GAN: variants seen among roughly 807,000 people sequenced by gnomAD.
GAN encodes epididymis secretory sperm binding protein.
A neutral mutation model predicts 71.3 loss-of-function variants in GAN; 48 were observed. The observed-to-expected ratio is 0.67, with a 90% CI of 0.53 to 0.86. The LOEUF is 0.86. GAN is among the 40% of genes least tolerant of loss of function. GAN has a pLI of 0.00. For missense variants in GAN, 928 were observed against 770.1 expected, an observed-to-expected ratio of 1.21 and a Z score of -2.43; for synonymous variants, 386 against 276.8, an observed-to-expected ratio of 1.39 and a Z score of -3.92.
intron 10 of GAN, 39 bp downstream of exon 10, chr16:81,377,367 G>C (rs1904284996): frequency 6.3e-7 from 1 of 1,592,420 alleles, no homozygotes; most frequent in Non-Finnish European, 8.6e-7. Flanking sequence ...ACTGTTTCCT[G>C]GTGATTCTGG....
chr16:81,349,148 C>T (rs1366625539), intron 1 of GAN, among the ~76,000 whole-genome samples: 1 of 152,154 alleles, frequency 6.6e-6, no homozygotes, highest in African/African-American at 2.4e-5. Flanking sequence ...TTTCCTAAGA[C>T]TTTGTTAACA....
rs1904330509 is a variant in GAN at position 81,383,946 on chromosome 16, G to A, written c.*6350G>A. The A allele has an allele frequency of 1.3e-5, 2 of 151,878 alleles. No homozygotes were observed. The highest frequency in any genetic ancestry group is 1.3e-4 in the Admixed American group (2 of 15,240). The allele number at this position is 151,878 out of a possible 1,614,324, so 9.4% of individuals were successfully genotyped here. Reference sequence around the variant, plus strand: ...GCATTTCATTACAAGTAATAGGTTTGGGTACCTTATTTTTATTGTTTTTAC... The same window carrying A: ...GCATTTCATTACAAGTAATAGGTTTAGGTACCTTATTTTTATTGTTTTTAC... On this transcript the variant is annotated 3_prime_UTR_variant, in exon 11 of 11. Coordinates refer to ENST00000648994, the MANE Select transcript of GAN (RefSeq NM_022041.4).
chr16:81,366,601 A>G (rs917195390), intron 9 of GAN, among the ~76,000 whole-genome samples: 35 of 152,240 alleles, frequency 2.3e-4, no homozygotes, highest in African/African-American at 7.5e-4. Context: ...AGTTACAAAG[A>G]TGCTGCAAAT....
intron 1 of GAN, among the ~76,000 whole-genome samples, chr16:81,349,996 A>G (rs62046473): frequency 0.12 from 18,184 of 152,202 alleles, 1,210 homozygotes; most frequent in Non-Finnish European, 0.14. Flanking sequence ...AATAACAGGA[A>G]TATCTAGATA....
At chr16:81,349,672 A>G (rs760862349) in intron 1 of GAN, among the ~76,000 whole-genome samples, 19 of 152,174 alleles carry the variant, frequency 1.2e-4, no homozygotes, top group Non-Finnish European at 7.3e-5. Context: ...AATTTTGTTA[A>G]TATTATTTCC....
Position 81,380,253 on chromosome 16 carries a change from C to G in GAN, c.*2657C>G, listed in dbSNP as rs375770471. ...CTTGATAACTTTTTGATACTTCTTT[C>G]TTGATAAGGCACTTTTACCAGGTGT... On this transcript the variant is annotated 3_prime_UTR_variant, in exon 11 of 11. Coordinates refer to ENST00000648994, the MANE Select transcript of GAN (RefSeq NM_022041.4). 2.0e-5 allele frequency: 3 copies of G among 152,678 alleles called. No homozygotes were observed. The highest frequency in any genetic ancestry group is 3.9e-4 in the East Asian group (2 of 5,188). The allele number at this position is 152,678 out of a possible 1,614,324, so 9.5% of individuals were successfully genotyped here. A position where few individuals can be genotyped will look rare whatever the true frequency, so the allele number is the denominator to read the frequency against.
At chr16:81,325,074 C>G (rs1467323084) in intron 1 of GAN, among the ~76,000 whole-genome samples, 2 of 152,164 alleles carry the variant, frequency 1.3e-5, no homozygotes, top group Non-Finnish European at 2.9e-5. Flanking sequence ...ACGGATGCTC[C>G]CAGGCATGCT....
intron 5 of GAN, among the ~76,000 whole-genome samples, chr16:81,362,155 G>C (rs968333405): frequency 3.3e-5 from 5 of 152,140 alleles, no homozygotes; most frequent in Non-Finnish European, 7.4e-5. Flanking sequence ...TGTGCGCTGC[G>C]GTGCAAAAGT....
In GAN at chr16:81,377,237, C is replaced by G. The variant is rs768737533; in HGVS notation, c.1521C>G (p.Asp507Glu). 2 of 1,607,424 alleles carry G rather than the reference C, an allele frequency of 1.2e-6. No individual in the cohort carries two copies. The highest frequency in any genetic ancestry group is 1.7e-6 in the Non-Finnish European group (2 of 1,173,940). The change falls in exon 10 of 11, where the codon GAC becomes GAG. Residue 507 changes from aspartate to glutamate, a missense_variant. Physicochemically the swap from Asp to Glu is conservative, Grantham distance 45 (BLOSUM62 2). Coordinates refer to ENST00000648994, the MANE Select transcript of GAN (RefSeq NM_022041.4). ...TTTTCAGGTGGATCTATCTTAACGA[C>G]CAGAATTTATGCATCCCCGCCAGTT... ...DEFKRWIYLN[D>E]QNLCIPASSS...
At chr16:81,350,058 C>T (rs922471515) in intron 1 of GAN, among the ~76,000 whole-genome samples, 1 of 151,854 alleles carries the variant, frequency 6.6e-6, no homozygotes, top group Non-Finnish European at 1.5e-5. Flanking sequence ...TCAAATTCTT[C>T]ATCAGTTTGT....
chr16:81,369,189 T>C (rs1005660076), intron 9 of GAN, among the ~76,000 whole-genome samples: 1 of 152,204 alleles, frequency 6.6e-6, no homozygotes, highest in African/African-American at 2.4e-5. Context: ...ATAACTAGAA[T>C]AGACATACTT....
intron 1 of GAN, among the ~76,000 whole-genome samples, chr16:81,317,429 A>G (rs1429217820): frequency 6.6e-6 from 1 of 152,236 alleles, no homozygotes; most frequent in East Asian, 1.9e-4. Context: ...CAGCTCACTA[A>G]TCTGATGAAT....
At chr16:81,346,859 C>T (rs962671963) in intron 1 of GAN, among the ~76,000 whole-genome samples, 1 of 152,192 alleles carries the variant, frequency 6.6e-6, no homozygotes, top group Non-Finnish European at 1.5e-5. Flanking sequence ...AAAACTCTCA[C>T]CTCCTCCAGT....
rs1159164145 is a variant in GAN, at chr16:81,380,076, G to A, written c.*2480G>A. 6.6e-6 allele frequency: 1 copy of A among 152,516 alleles called. No homozygotes were observed. Among genetic ancestry groups the A allele is most frequent in the African/African-American group, 2.4e-5 (1 of 41,410 alleles). 9.4% of individuals were successfully genotyped at this position (152,516 alleles called of 1,614,324 possible). ...TATATAAATATTAAAATATTGTGTTGAAGTATAGGGATGTATTTAATTTTA... is the reference window on the plus strand; with the variant it reads ...TATATAAATATTAAAATATTGTGTTAAAGTATAGGGATGTATTTAATTTTA... On this transcript the variant is annotated 3_prime_UTR_variant, in exon 11 of 11. Coordinates refer to ENST00000648994, the MANE Select transcript of GAN (RefSeq NM_022041.4).
At position 81,390,128 on chromosome 16, in the gene GAN, G is replaced by A. The variant is rs1597419306; in HGVS notation, c.*12532G>A. On this transcript the variant is annotated 3_prime_UTR_variant, in exon 11 of 11. Transcript: ENST00000648994. ...TAAAGTCCTACTACTGAAAAACAGG[G>A]ATTTGCAATGAAAATCATAGCTAAA... 1 of 152,090 alleles carries A rather than the reference G, an allele frequency of 6.6e-6. No homozygotes were observed. Among genetic ancestry groups the A allele is most frequent in the East Asian group, 1.9e-4 (1 of 5,196 alleles). The allele number at this position is 152,090 out of a possible 1,614,324, so 9.4% of individuals were successfully genotyped here. A position where few individuals can be genotyped will look rare whatever the true frequency, so the allele number is the denominator to read the frequency against.
chr16:81,365,470 G>A lies in GAN; in HGVS notation c.1494G>A (p.Glu498=), dbSNP rs755423556. The A allele has an allele frequency of 3.1e-6, 5 of 1,613,334 alleles. No homozygotes were observed. Among genetic ancestry groups the A allele is most frequent in the Non-Finnish European group, 4.2e-6 (5 of 1,179,866 alleles). ...GCAAGTCCGAGTTCTACCATGATGA[G>A]TTTAAAAGGTAACTAAGAATGGTTT... The part of the protein sequence containing the change: ...VTCKSEFYHD[E]FKRWIYLNDQ... The change falls in exon 9 of 11, where the codon GAG becomes GAA. Residue 498 remains glutamate, a synonymous_variant. Coordinates refer to ENST00000648994, the MANE Select transcript of GAN (RefSeq NM_022041.4).
chr16:81,376,517 G>A (rs1172359238), intron 9 of GAN, among the ~76,000 whole-genome samples: 2 of 143,124 alleles, frequency 1.4e-5, no homozygotes, highest in African/African-American at 2.7e-5. Flanking sequence ...GTGTATGTGT[G>A]TGTGTATACA....
At chr16:81,352,841 C>A (rs1910344490) in intron 2 of GAN, among the ~76,000 whole-genome samples, 3 of 152,184 alleles carry the variant, frequency 2.0e-5, no homozygotes, top group African/African-American at 7.2e-5. Context: ...AGGGCTAAGA[C>A]CAACCTCTCC....
chr16:81,315,319 GC>G, intron 1 of GAN, 39 bp downstream of exon 1: 1 of 1,382,660 alleles, frequency 7.2e-7, no homozygotes, highest in Admixed American at 3.5e-5. Context: ...CGGCGGTGCT[GC>G]CCGGAGCCGG....
Sources: gnomAD v4.1 joint callset for allele counts (sites outside exome capture counted in the v4.1 genomes callset) on GRCh38, gnomAD v4.1.1 for gene constraint, MANE v1.5 for transcripts, NCBI Gene and HGNC (gene_info 2026-07-23, HGNC 2026-07-21) for gene names.